The following PCDHGA2 variants were observed in gnomAD, a reference collection of about 807,000 sequenced individuals.
The protein encoded by PCDHGA2 is protocadherin gamma subfamily A, 2.
Under a neutral mutation model 59.2 loss-of-function variants are expected in PCDHGA2, and 40 were observed. The ratio of observed to expected loss-of-function variants is 0.68; its 90% CI spans 0.52 to 0.88. The LOEUF (loss-of-function observed/expected upper bound fraction) is 0.88, where lower values mean the gene tolerates loss of function less well. PCDHGA2 is among the 40% of genes least tolerant of loss of function. PCDHGA2 has a pLI of 0.00. For synonymous variants in PCDHGA2, 560 were observed against 526.0 expected (o/e 1.06, Z -0.89); for missense variants, 1,226 against 1,204.0 (o/e 1.02, Z -0.27).
intron 1 of PCDHGA2, chr5:141,422,952 C>A (rs759618535): frequency 6.2e-7 from 1 of 1,614,254 alleles, no homozygotes; most frequent in Non-Finnish European, 8.5e-7. Context: ...GCTCCACTGG[C>A]GTGGAGCTGG....
intron 1 of PCDHGA2, among the ~76,000 whole-genome samples, chr5:141,494,397 A>G (rs965158973): frequency 7.2e-5 from 11 of 152,208 alleles, no homozygotes; most frequent in African/African-American, 2.4e-4. Flanking sequence ...GAATAAATTC[A>G]TTCTAGGGCT....
At position 141,511,411 on chromosome 5, in the gene PCDHGA2, A is replaced by G; in HGVS notation, c.*238A>G. On this transcript the variant is annotated 3_prime_UTR_variant, in exon 4 of 4. Coordinates refer to ENST00000394576, the MANE Select transcript of PCDHGA2 (RefSeq NM_018915.4). ...GAACCCCCATCCAATCAACTGCTGT[A>G]CCCATGGGGGTAGTGGGGTTACTGT... The G allele has an allele frequency of 1.1e-6, 1 of 901,334 alleles. No homozygotes were observed. Among genetic ancestry groups the G allele is most frequent in the Non-Finnish European group, 1.6e-6 (1 of 617,750 alleles). The allele number at this position is 901,334 out of a possible 1,614,324, so 55.8% of individuals were successfully genotyped here. A position where few individuals can be genotyped will look rare whatever the true frequency, so the allele number is the denominator to read the frequency against.
intron 1 of PCDHGA2, chr5:141,419,373 T>C: frequency 1.9e-6 from 3 of 1,613,754 alleles, no homozygotes; most frequent in Non-Finnish European, 2.5e-6. Context: ...TCGTCCTACG[T>C]GTCCGTGAGC....
At chr5:141,393,183 A>T in intron 1 of PCDHGA2, 1 of 1,613,370 alleles carries the variant, frequency 6.2e-7, no homozygotes, top group Non-Finnish European at 8.5e-7. Context: ...AATAGAAATA[A>T]TTGATATTAA....
chr5:141,485,383 G>C lies in PCDHGA2; in HGVS notation c.2425-9424G>C. 6.2e-7 allele frequency: 1 copy of C among 1,614,128 alleles called. No individual in the cohort carries two copies. Among genetic ancestry groups the C allele is most frequent in the Non-Finnish European group, 8.5e-7 (1 of 1,180,020 alleles). On this transcript the variant is annotated intron_variant, in intron 1 of 3. Coordinates refer to ENST00000394576, the MANE Select transcript of PCDHGA2 (RefSeq NM_018915.4). The surrounding 1 kb of genome is among the most constrained non-coding windows in gnomAD (Gnocchi z 5.7). Reference sequence around the variant, plus strand: ...GCAGGCTGCAGGTCGCTGGAGAGGTGAACCAAAGACACTTCCGTGTGGATT... The same window carrying C: ...GCAGGCTGCAGGTCGCTGGAGAGGTCAACCAAAGACACTTCCGTGTGGATT...
At chr5:141,362,707 GT>G in intron 1 of PCDHGA2, 1 of 974,024 alleles carries the variant, frequency 1.0e-6, no homozygotes, top group Non-Finnish European at 1.5e-6. Flanking sequence ...AATTTTAAGT[GT>G]TTTCTCTCTG....
At chr5:141,410,479 G>A in intron 1 of PCDHGA2, 2 of 1,613,956 alleles carry the variant, frequency 1.2e-6, no homozygotes, top group Non-Finnish European at 1.7e-6. Flanking sequence ...TTGCACATAC[G>A]GGTACAAAAG....
At chr5:141,357,032 C>A (rs754361100) in intron 1 of PCDHGA2, 2 of 1,614,066 alleles carry the variant, frequency 1.2e-6, no homozygotes, top group Non-Finnish European at 1.7e-6. Flanking sequence ...CTACTCAAGT[C>A]CAGCGAGCCG....
chr5:141,407,497 G>GTTTTTTTTTTTTTTTTTTTTTTTTT (rs1554102286), intron 1 of PCDHGA2, among the ~76,000 whole-genome samples: 1 of 151,974 alleles, frequency 6.6e-6, no homozygotes, highest in African/African-American at 2.4e-5. Context: ...CTTTATTTCT[G>GTTTTTTTTTTTTTTTTTTTTTTTTT]TTTTTCTTAG....
Position 141,406,737 on chromosome 5 carries a change from T to C in PCDHGA2, c.2424+65342T>C, listed in dbSNP as rs540886306. 1.1e-4 allele frequency among the ~76,000 whole-genome samples: 16 copies of C among 152,348 alleles called. No homozygotes were observed. The South Asian group carries it at 3.3e-3, about 32-fold the overall frequency. ...AAGAGAAGTTTCTAAGACTGGACAC[T>C]GTGAAATGACAAAACAAGGAATTAA... On this transcript the variant is annotated intron_variant, in intron 1 of 3. Coordinates refer to ENST00000394576, the MANE Select transcript of PCDHGA2 (RefSeq NM_018915.4).
At chr5:141,389,620 C>T (rs1447057180) in intron 1 of PCDHGA2, 1 of 1,613,032 alleles carries the variant, frequency 6.2e-7, no homozygotes, top group African/African-American at 1.3e-5. Context: ...GTGCCGCACG[C>T]TGCAGAGCCT....
intron 1 of PCDHGA2, chr5:141,383,403 G>A: frequency 6.2e-7 from 1 of 1,614,000 alleles, no homozygotes; most frequent in Non-Finnish European, 8.5e-7. Flanking sequence ...ACTCCCTCCA[G>A]AGTTACCAGC....
chr5:141,476,977 C>T lies in PCDHGA2; in HGVS notation c.2425-17830C>T, dbSNP rs141692339. 3,083 of 1,614,232 alleles carry T rather than the reference C, an allele frequency of 1.9e-3. 52 individuals carry two copies. The African/African-American group carries it at 0.034, about 18-fold the overall frequency. Reference sequence around the variant, plus strand: ...TTATTTACTCCTTCGGCAGCCACAACCGCGCCGGCGTGCGGCAACTATTCG... The same window carrying T: ...TTATTTACTCCTTCGGCAGCCACAATCGCGCCGGCGTGCGGCAACTATTCG... On this transcript the variant is annotated intron_variant, in intron 1 of 3. Coordinates refer to ENST00000394576, the MANE Select transcript of PCDHGA2 (RefSeq NM_018915.4). This position sits in a 1 kb window ranked among gnomAD's most constrained non-coding sequence, Gnocchi z 7.6.
At chr5:141,430,373 A>G (rs1456234962) in intron 1 of PCDHGA2, among the ~76,000 whole-genome samples, 1 of 151,170 alleles carries the variant, frequency 6.6e-6, no homozygotes, top group Non-Finnish European at 1.5e-5. Flanking sequence ...GGGAAAAAAA[A>G]GCTCATTGGG....
rs1035125527 is a variant in PCDHGA2, at chr5:141,485,059, C to T, written c.2425-9748C>T. The T allele has an allele frequency of 7.0e-6, 6 of 858,958 alleles. No homozygotes were observed. The highest frequency in any genetic ancestry group is 2.4e-5 in the East Asian group (1 of 40,854). 53.2% of individuals were successfully genotyped at this position (858,958 alleles called of 1,614,324 possible). A position where few individuals can be genotyped will look rare whatever the true frequency, so the allele number is the denominator to read the frequency against. ...AACCCTTGCGGCGCCGGCCGAACCG[C>T]GCCAGAGCTGGCGCGGGGAAAGGGA... On this transcript the variant is annotated intron_variant, in intron 1 of 3. Coordinates refer to ENST00000394576, the MANE Select transcript of PCDHGA2 (RefSeq NM_018915.4). This position sits in a 1 kb window ranked among gnomAD's most constrained non-coding sequence, Gnocchi z 5.7.
At position 141,490,003 on chromosome 5, in the gene PCDHGA2, G is replaced by A. The variant is rs2099694760; in HGVS notation, c.2425-4804G>A. On this transcript the variant is annotated intron_variant, in intron 1 of 3. Transcript: ENST00000394576. This position sits in a 1 kb window ranked among gnomAD's most constrained non-coding sequence, Gnocchi z 5.4. ...TCTACGTGTGGGAATCCCAGAGAAT[G>A]CACCCATTGGTACTCTGCTGCTCCG... 6.2e-7 allele frequency: 1 copy of A among 1,614,204 alleles called. No homozygotes were observed. Among genetic ancestry groups the A allele is most frequent in the Non-Finnish European group, 8.5e-7 (1 of 1,180,008 alleles).
rs1287277950 is a variant in PCDHGA2 at position 141,384,488 on chromosome 5, T to C, written c.2424+43093T>C. The C allele has an allele frequency of 2.5e-6, 4 of 1,614,104 alleles. No individual in the cohort carries two copies. In the East Asian group the frequency reaches 8.9e-5, roughly 36 times the overall value. The stretch of plus-strand genomic sequence containing the variant: ...TATGAGCAGTTGAGAGAACTACAAC[T>C]AAGAGTGACTGCACATGACAGCGGG... On this transcript the variant is annotated intron_variant, in intron 1 of 3. Transcript: ENST00000394576.
chr5:141,342,859 T>A (rs1757218693), intron 1 of PCDHGA2: 1 of 152,186 alleles, frequency 6.6e-6, no homozygotes, highest in Non-Finnish European at 1.5e-5. Context: ...TTTCAGTTGG[T>A]TTTGAAAAAA....
chr5:141,375,040 T>C (rs1771075321), intron 1 of PCDHGA2: 4 of 1,614,056 alleles, frequency 2.5e-6, no homozygotes, highest in Non-Finnish European at 3.4e-6. Flanking sequence ...AGCTGGGTGT[T>C]GAAGCCCGGG....
Sources: gnomAD v4.1 joint callset for allele counts (sites outside exome capture counted in the v4.1 genomes callset) on GRCh38, gnomAD v4.1.1 for gene constraint, Gnocchi (gnomAD v3.1) non-coding constraint, MANE v1.5 for transcripts, NCBI Gene and HGNC (gene_info 2026-07-23, HGNC 2026-07-21) for gene names.